The following CCSAP variants were observed in gnomAD, a reference collection of about 807,000 sequenced individuals.
CCSAP encodes the protein centriole, cilia and spindle associated protein.
CCSAP carries 17 observed loss-of-function variants against 25.9 expected under a neutral mutation model. The observed-to-expected ratio is 0.66, with a 90% confidence interval of 0.45 to 0.99. The LOEUF is 0.99. CCSAP is among the 50% of genes least tolerant of loss of function. CCSAP has a pLI of 0.00. For missense variants in CCSAP, 339 were observed against 367.8 expected (o/e 0.92, Z 0.64); for synonymous variants, 169 against 157.1 (o/e 1.08, Z -0.57).
chr1:229,329,901 G>C (rs1311799123), intron 2 of CCSAP, among the ~76,000 whole-genome samples: 1 of 152,214 alleles, frequency 6.6e-6, no homozygotes, highest in African/African-American at 2.4e-5. Context: ...TGAGGCAGGA[G>C]AATCGCTTGA....
intron 2 of CCSAP, among the ~76,000 whole-genome samples, chr1:229,331,152 C>T (rs975556653): frequency 2.6e-5 from 4 of 152,140 alleles, no homozygotes; most frequent in Non-Finnish European, 5.9e-5. Flanking sequence ...TCTCAGGAAA[C>T]CCTTAGACCT....
chr1:229,337,698 T>TAAATAC (rs1473619585), intron 2 of CCSAP, among the ~76,000 whole-genome samples: 1 of 60,720 alleles, frequency 1.6e-5, no homozygotes, highest in Admixed American at 1.8e-4. Context: ...TATATATATA[T>TAAATAC]ACACATACAT....
intron 2 of CCSAP, among the ~76,000 whole-genome samples, chr1:229,331,787 T>TTTTA (rs551904118): frequency 1.6e-4 from 23 of 140,642 alleles, no homozygotes; most frequent in Admixed American, 2.9e-4. Context: ...CTAATATCCT[T>TTTTA]TTATTATTAT....
At chr1:229,334,255 G>C (rs1290906882) in intron 2 of CCSAP, among the ~76,000 whole-genome samples, 1 of 152,162 alleles carries the variant, frequency 6.6e-6, no homozygotes, top group African/African-American at 2.4e-5. Context: ...ATTTTTAGTA[G>C]AGATGGGGTT....
Position 229,325,285 on chromosome 1 carries a change from C to T in CCSAP, c.763G>A (p.Glu255Lys). The stretch of plus-strand genomic sequence containing the variant: ...ATGTATTCTGTCATCCACGGGTTCT[C>T]TGAGGAGGAAGCCTTCATCTTTCTG... ...KNRKMKASSS[E>K]NPWMTEYMRC... Residue 255 changes from glutamate to lysine, a missense_variant, in exon 4 of 4, where the codon GAG (glutamate) becomes AAG (lysine). Transcript: ENST00000284617. 1 of 1,614,162 alleles carries T rather than the reference C, an allele frequency of 6.2e-7. No individual in the cohort carries two copies. The highest frequency in any genetic ancestry group is 8.5e-7 in the Non-Finnish European group (1 of 1,180,012).
At chr1:229,327,455 C>T (rs1657965972) in intron 2 of CCSAP, 1 of 452,734 alleles carries the variant, frequency 2.2e-6, no homozygotes, top group Non-Finnish European at 4.4e-6. Context: ...GCTCCTTAGT[C>T]CTTCCGTGCT....
At chr1:229,337,280 A>G (rs460658) in intron 2 of CCSAP, among the ~76,000 whole-genome samples, 58,797 of 151,468 alleles carry the variant, frequency 0.39, 11,826 homozygotes, top group Non-Finnish European at 0.45. Flanking sequence ...AAACAAACAT[A>G]GGGGGGTCAC....
chr1:229,331,290 T>C (rs965476340), intron 2 of CCSAP, among the ~76,000 whole-genome samples: 1 of 152,060 alleles, frequency 6.6e-6, no homozygotes, highest in African/African-American at 2.4e-5. Context: ...AGGAGTCTTA[T>C]TCAGACTACA....
At chr1:229,326,672 G>T in intron 3 of CCSAP, 66 bp downstream of exon 3, 1 of 1,580,368 alleles carries the variant, frequency 6.3e-7, no homozygotes, top group South Asian at 1.1e-5. Context: ...GATGCCCGAT[G>T]ACAGGCGCAT....
intron 2 of CCSAP, among the ~76,000 whole-genome samples, chr1:229,331,715 A>G (rs1168912840): frequency 6.6e-6 from 1 of 151,944 alleles, no homozygotes; most frequent in African/African-American, 2.4e-5. Flanking sequence ...GCGAGACAGC[A>G]TGGAAGCTTC....
At chr1:229,334,604 T>C (rs904998408) in intron 2 of CCSAP, among the ~76,000 whole-genome samples, 1 of 151,644 alleles carries the variant, frequency 6.6e-6, no homozygotes, top group Admixed American at 6.6e-5. Flanking sequence ...AATAAATTAA[T>C]GAAAATATAC....
Position 229,322,296 on chromosome 1 carries a change from A to G in CCSAP, c.*2939T>C, listed in dbSNP as rs541664938. On this transcript the variant is annotated 3_prime_UTR_variant, in exon 4 of 4. Transcript: ENST00000284617. ...CATCTTGCTTGCTCTCGTTCTTACA[A>G]TTTAGTCAGCTGAGTTCAAGTGACC... 28 of 152,340 alleles carry G rather than the reference A, an allele frequency of 1.8e-4. No individual in the cohort carries two copies. The highest frequency in any genetic ancestry group is 6.0e-4 in the African/African-American group (25 of 41,572). The allele number at this position is 152,340 out of a possible 1,614,324, so 9.4% of individuals were successfully genotyped here. A position where few individuals can be genotyped will look rare whatever the true frequency, so the allele number is the denominator to read the frequency against.
chr1:229,327,461 G>A (rs929586299), intron 2 of CCSAP: 3 of 453,896 alleles, frequency 6.6e-6, no homozygotes, highest in African/African-American at 2.0e-5. Context: ...TAGTCCTTCC[G>A]TGCTCCTCCT....
rs982871342 is a variant in CCSAP, at chr1:229,322,408, T to C, written c.*2827A>G. 1 of 152,226 alleles carries C rather than the reference T, an allele frequency of 6.6e-6. No homozygotes were observed. The highest frequency in any genetic ancestry group is 2.4e-5 in the African/African-American group (1 of 41,462). The allele number at this position is 152,226 out of a possible 1,614,324, so 9.4% of individuals were successfully genotyped here. On this transcript the variant is annotated 3_prime_UTR_variant, in exon 4 of 4. Coordinates refer to ENST00000284617, the MANE Select transcript of CCSAP (RefSeq NM_145257.5). ...TATTACATATGAAATGGTATAAATA[T>C]GTGCCTCCTACCTAATACGCAAGTA... is the stretch of plus-strand genomic sequence containing the variant.
At position 229,326,722 on chromosome 1, in the gene CCSAP, A is replaced by G. The variant is rs190942129; in HGVS notation, c.636+16T>C. On this transcript the variant is annotated intron_variant, in intron 3 of 3. Transcript: ENST00000284617. Reference sequence around the variant, plus strand: ...CTCTCAAAGGGAACACAGAACCACAAGGGCCCAGAGCGCACCTCGTGCACA... The same window carrying G: ...CTCTCAAAGGGAACACAGAACCACAGGGGCCCAGAGCGCACCTCGTGCACA... The G allele has an allele frequency of 1.2e-4, 190 of 1,612,488 alleles. 1 individual carries two copies. In the East Asian group the frequency reaches 2.8e-3, roughly 24 times the overall value.
intron 2 of CCSAP, among the ~76,000 whole-genome samples, chr1:229,333,302 A>G (rs561849178): frequency 4.7e-4 from 71 of 152,104 alleles, no homozygotes; most frequent in Middle Eastern, 6.8e-3. Context: ...GCGTGGTGTC[A>G]GGTGCCTGTA....
chr1:229,342,419 TG>T lies in CCSAP; in HGVS notation c.46del (p.Gln16ArgfsTer20). ...GVKSEYMKRY[Q>X]EPRWEEYGPC... ...CCCGTACTCCTCCCAGCGCGGCTCC[TG>T]GTAGCGCTTCATGTACTCGCTCTTC... On this transcript the variant is annotated frameshift_variant, in exon 2 of 4. Transcript: ENST00000284617. LOFTEE classifies it high-confidence loss of function. This position sits in a 1 kb window ranked among gnomAD's most constrained non-coding sequence, Gnocchi z 7.5. 1 of 1,438,668 alleles carries T rather than the reference TG, an allele frequency of 7.0e-7. No individual in the cohort carries two copies. 89.1% of individuals were successfully genotyped at this position (1,438,668 alleles called of 1,614,324 possible). A position where few individuals can be genotyped will look rare whatever the true frequency, so the allele number is the denominator to read the frequency against.
In CCSAP at chr1:229,321,105, C is replaced by T. The variant is rs555892070; in HGVS notation, c.*4130G>A. 1.3e-5 allele frequency: 2 copies of T among 152,090 alleles called. No individual in the cohort carries two copies. Among genetic ancestry groups the T allele is most frequent in the Non-Finnish European group, 2.9e-5 (2 of 68,022 alleles). The allele number at this position is 152,090 out of a possible 1,614,324, so 9.4% of individuals were successfully genotyped here. On this transcript the variant is annotated 3_prime_UTR_variant, in exon 4 of 4. Coordinates refer to ENST00000284617, the MANE Select transcript of CCSAP (RefSeq NM_145257.5). ...ATACATAGTTCTTAGAAAATACAAC[C>T]CCGAATTATTGTGTGGCCTGGGCTT...
Position 229,340,125 on chromosome 1 carries a change from A to C in CCSAP, c.367+1974T>G, listed in dbSNP as rs572849249. On this transcript the variant is annotated intron_variant, in intron 2 of 3. Transcript: ENST00000284617. ...TCTATGGCTTCAGGGAAAGTAAAAA[A>C]TTTTATATTTTATAGAAACTCAAAA... 3.9e-5 allele frequency among the ~76,000 whole-genome samples: 6 copies of C among 152,294 alleles called. No homozygotes were observed. The South Asian group carries it at 1.2e-3, about 32-fold the overall frequency.
Sources: allele counts gnomAD v4.1 joint callset (sites outside exome capture counted in the v4.1 genomes callset), GRCh38; gene constraint gnomAD v4.1.1; non-coding constraint Gnocchi (gnomAD v3.1); transcripts MANE v1.5; gene names NCBI Gene and HGNC (gene_info 2026-07-23, HGNC 2026-07-21).